FRMPD3: variants seen among roughly 807,000 people sequenced by gnomAD.
The protein encoded by FRMPD3 is FERM and PDZ domain-containing protein 3.
In FRMPD3, 42 loss-of-function variants were observed where a neutral mutation model predicts 97.9. That is an observed-to-expected ratio of 0.43 (90% CI 0.34 to 0.55). The LOEUF (loss-of-function observed/expected upper bound fraction) is 0.55, where lower values mean the gene tolerates loss of function less well. Among genes scored for constraint, FRMPD3 ranks in the 20% least tolerant of loss-of-function variants. The pLI, the probability that FRMPD3 is intolerant of heterozygous loss-of-function variation, is 0.03. For synonymous variants in FRMPD3, 577 were observed against 581.1 expected (o/e 0.99, Z 0.10); for missense variants, 1,303 against 1,457.7 (o/e 0.89, Z 1.73).
At chrX:107,599,128 C>A (rs779571756) in intron 14 of FRMPD3, among the ~76,000 whole-genome samples, 2 of 110,420 alleles carry the variant, frequency 1.8e-5, no homozygotes, top group Non-Finnish European at 3.8e-5. Flanking sequence ...CAAAAATTAA[C>A]TGGGTGGGCT....
intron 1 of FRMPD3, among the ~76,000 whole-genome samples, chrX:107,468,449 G>A (rs150968906): frequency 2.3e-3 from 262 of 112,298 alleles, no homozygotes; most frequent in African/African-American, 8.1e-3. Context: ...GCTGGAGCAT[G>A]TGTTTCAATA....
intron 1 of FRMPD3, among the ~76,000 whole-genome samples, chrX:107,453,057 C>G (rs1931317883): frequency 9.0e-6 from 1 of 111,137 alleles, no homozygotes; most frequent in Admixed American, 9.5e-5. Flanking sequence ...CCCTCCCCCA[C>G]TACGCATAAA....
At chrX:107,571,988 C>T (rs1405582292) in intron 12 of FRMPD3, among the ~76,000 whole-genome samples, 1 of 112,630 alleles carries the variant, frequency 8.9e-6, no homozygotes, top group African/African-American at 3.2e-5. Flanking sequence ...GGGTAGCTCT[C>T]TATACGTTTT....
intron 10 of FRMPD3, 29 bp downstream of exon 10, chrX:107,560,882 G>C (rs1428297499): frequency 8.5e-7 from 1 of 1,170,380 alleles, no homozygotes; most frequent in Admixed American, 2.4e-5. Context: ...TGGGCATGGT[G>C]CTCCAGGCAC....
chrX:107,560,795 G>A lies in FRMPD3; in HGVS notation c.968G>A (p.Arg323Gln), dbSNP rs764443225. 37 of 1,186,426 alleles carry A rather than the reference G, an allele frequency of 3.1e-5. No individual in the cohort carries two copies. The highest frequency in any genetic ancestry group is 2.3e-4 in the Middle Eastern group (1 of 4,344). The change falls in exon 10 of 15, where the codon CGG becomes CAG. Residue 323 changes from arginine to glutamine, a missense_variant. Transcript: ENST00000683843. ...CAGGTCATCAAAGAGAAGAACCTCC[G>A]GAAATCTCTCTCTCAGCAACTGAAG... Reference protein sequence around the residue: ...LLQVIKEKNLRKSLSQQLKAH... With the variant: ...LLQVIKEKNLQKSLSQQLKAH...
chrX:107,474,150 C>T (rs1047707939), intron 1 of FRMPD3, among the ~76,000 whole-genome samples: 1 of 112,282 alleles, frequency 8.9e-6, no homozygotes, highest in African/African-American at 3.2e-5. Context: ...ATGCAGGTAT[C>T]CTTTCCCTGT....
intron 1 of FRMPD3, among the ~76,000 whole-genome samples, chrX:107,494,375 C>A (rs1181870462): frequency 8.9e-6 from 1 of 111,835 alleles, no homozygotes; most frequent in Non-Finnish European, 1.9e-5. Flanking sequence ...CTAGAAAAGG[C>A]AACCATTGAT....
intron 1 of FRMPD3, among the ~76,000 whole-genome samples, chrX:107,467,949 C>T (rs1214901861): frequency 8.0e-5 from 9 of 111,997 alleles, no homozygotes; most frequent in Admixed American, 7.6e-4. Flanking sequence ...TTCTATCTTT[C>T]CTTTTGACTT....
intron 1 of FRMPD3, among the ~76,000 whole-genome samples, chrX:107,453,135 G>T (rs1879070186): frequency 9.0e-6 from 1 of 111,613 alleles, no homozygotes; most frequent in African/African-American, 3.3e-5. Context: ...ACAGAGGAAA[G>T]ATCCCTGTTT....
At chrX:107,508,373 G>A (rs1262173437) in intron 1 of FRMPD3, among the ~76,000 whole-genome samples, 3 of 112,202 alleles carry the variant, frequency 2.7e-5, no homozygotes, top group African/African-American at 9.7e-5. Flanking sequence ...ACAGCAGAAT[G>A]TATTAGTAGG....
intron 8 of FRMPD3, among the ~76,000 whole-genome samples, chrX:107,557,797 C>CCA (rs1922154038): frequency 3.3e-5 from 1 of 30,031 alleles, no homozygotes; most frequent in East Asian, 2.3e-3. Context: ...AATCTGTTGT[C>CCA]TATATATATA....
At chrX:107,552,560 C>T (rs1409104895) in intron 6 of FRMPD3, among the ~76,000 whole-genome samples, 1 of 111,861 alleles carries the variant, frequency 8.9e-6, no homozygotes, top group African/African-American at 3.3e-5. Context: ...TCAGAAACAC[C>T]TACCTCTAAC....
At chrX:107,517,709 C>G (rs1395848988) in intron 1 of FRMPD3, among the ~76,000 whole-genome samples, 1 of 103,266 alleles carries the variant, frequency 9.7e-6, no homozygotes, top group African/African-American at 3.6e-5. Context: ...TGCAGTGAGC[C>G]GAGATGGTGC....
intron 1 of FRMPD3, among the ~76,000 whole-genome samples, chrX:107,483,868 C>T (rs1427232957): frequency 9.0e-6 from 1 of 111,452 alleles, no homozygotes; most frequent in Non-Finnish European, 1.9e-5. Context: ...ATGGAGGCCT[C>T]CTGTTGGTGC....
intron 1 of FRMPD3, among the ~76,000 whole-genome samples, chrX:107,458,555 A>T (rs1390945761): frequency 1.8e-5 from 2 of 111,474 alleles, no homozygotes; most frequent in African/African-American, 6.5e-5. Flanking sequence ...AAGGCTGGAG[A>T]TGGAAATGGT....
At chrX:107,464,266 G>T (rs1931522384) in intron 1 of FRMPD3, among the ~76,000 whole-genome samples, 1 of 111,548 alleles carries the variant, frequency 9.0e-6, no homozygotes, top group Non-Finnish European at 1.9e-5. Flanking sequence ...CCTCCTTCCT[G>T]TTGGCAGCCC....
At chrX:107,542,183 C>T in intron 4 of FRMPD3, among the ~76,000 whole-genome samples, 1 of 112,689 alleles carries the variant, frequency 8.9e-6, no homozygotes, top group Middle Eastern at 4.6e-3. Flanking sequence ...GCTTCTGCCT[C>T]AGCCTGCAGC....
At chrX:107,490,532 C>G (rs1418382507) in intron 1 of FRMPD3, among the ~76,000 whole-genome samples, 2 of 110,955 alleles carry the variant, frequency 1.8e-5, no homozygotes, top group East Asian at 5.6e-4. Flanking sequence ...GTTTGTAGTT[C>G]TCCTTGAAGA....
chrX:107,537,554 C>T lies in FRMPD3; in HGVS notation c.297+4004C>T, dbSNP rs1445061429. Among the ~76,000 whole-genome samples the T allele has an allele frequency of 4.5e-5, 5 of 111,697 alleles. No homozygotes were observed. The East Asian group carries it at 1.1e-3, about 25-fold the overall frequency. ...TCAAAATATAAGCCAGTAATAACACCGGAGCAGAATCTTGAAGGCCTCCTA... is the reference window on the plus strand; with the variant it reads ...TCAAAATATAAGCCAGTAATAACACTGGAGCAGAATCTTGAAGGCCTCCTA... On this transcript the variant is annotated intron_variant, in intron 4 of 14. Transcript: ENST00000683843.
Sources: gnomAD v4.1 joint callset for allele counts (sites outside exome capture counted in the v4.1 genomes callset) on GRCh38, gnomAD v4.1.1 for gene constraint, MANE v1.5 for transcripts, NCBI Gene and HGNC (gene_info 2026-07-23, HGNC 2026-07-21) for gene names.